Variants in SLC2A12 observed in about 807,000 individuals in gnomAD.
SLC2A12 encodes solute carrier family 2 member 12.
In SLC2A12, 23 loss-of-function variants were observed where a neutral mutation model predicts 41.8. The ratio of observed to expected loss-of-function variants is 0.55; its 90% CI spans 0.40 to 0.78. The LOEUF (loss-of-function observed/expected upper bound fraction) is 0.78, where lower values mean the gene tolerates loss of function less well. SLC2A12 is among the 30% of genes least tolerant of loss of function. SLC2A12 has a pLI of 0.00. For synonymous variants in SLC2A12, 295 were observed against 285.9 expected, an observed-to-expected ratio of 1.03 and a Z score of -0.32; for missense variants, 654 against 745.6, an observed-to-expected ratio of 0.88 and a Z score of 1.43.
intron 1 of SLC2A12, among the ~76,000 whole-genome samples, chr6:134,037,885 G>T (rs971398166): frequency 2.6e-5 from 4 of 152,136 alleles, no homozygotes; most frequent in African/African-American, 9.7e-5. Flanking sequence ...ATGTCCCAGG[G>T]AGAGTTCTGG....
intron 1 of SLC2A12, among the ~76,000 whole-genome samples, chr6:134,037,920 G>A (rs924737554): frequency 2.6e-5 from 4 of 152,118 alleles, no homozygotes; most frequent in African/African-American, 9.7e-5. Flanking sequence ...CCCACCAAAT[G>A]TCCAACATGC....
At chr6:134,025,352 A>G (rs1404689469) in intron 2 of SLC2A12, among the ~76,000 whole-genome samples, 2 of 152,238 alleles carry the variant, frequency 1.3e-5, no homozygotes, top group African/African-American at 4.8e-5. Flanking sequence ...CATTTGTAAA[A>G]TGCAGTGAAT....
chr6:134,049,054 T>C (rs1340222882), intron 1 of SLC2A12, among the ~76,000 whole-genome samples: 1 of 152,202 alleles, frequency 6.6e-6, no homozygotes, highest in Non-Finnish European at 1.5e-5. Flanking sequence ...ACATCTTACA[T>C]ACTCACCACC....
At chr6:134,002,234 C>T (rs996999767) in intron 3 of SLC2A12, 105 bp from the exon 4 acceptor site, 11 of 1,235,348 alleles carry the variant, frequency 8.9e-6, no homozygotes, top group African/African-American at 3.2e-5. Context: ...TATTTTCAAA[C>T]ATGCCAGCAG....
At chr6:134,040,164 C>T (rs1777363877) in intron 1 of SLC2A12, among the ~76,000 whole-genome samples, 1 of 151,752 alleles carries the variant, frequency 6.6e-6, no homozygotes, top group South Asian at 2.1e-4. Flanking sequence ...GCAACCTCCA[C>T]ACCTCCCAGG....
At chr6:134,016,434 C>T (rs534148065) in intron 2 of SLC2A12, among the ~76,000 whole-genome samples, 1 of 152,120 alleles carries the variant, frequency 6.6e-6, no homozygotes, top group East Asian at 1.9e-4. Flanking sequence ...ATCTGGCCCC[C>T]TTCATGTTGA....
chr6:134,032,802 A>G (rs1777239280), intron 1 of SLC2A12, among the ~76,000 whole-genome samples: 1 of 132,438 alleles, frequency 7.6e-6, no homozygotes, highest in Admixed American at 8.1e-5. Context: ...TTATATATAT[A>G]TAATTTATAT....
chr6:134,014,892 T>C (rs943120038), intron 2 of SLC2A12, among the ~76,000 whole-genome samples: 1 of 152,268 alleles, frequency 6.6e-6, no homozygotes, highest in African/African-American at 2.4e-5. Flanking sequence ...TTTTAAACTC[T>C]AGTTCTATTA....
At chr6:134,023,522 GA>G (rs1341763442) in intron 2 of SLC2A12, among the ~76,000 whole-genome samples, 1 of 152,102 alleles carries the variant, frequency 6.6e-6, no homozygotes, top group Non-Finnish European at 1.5e-5. Flanking sequence ...TACTCATTGG[GA>G]AAAAAGGAGC....
chr6:134,029,138 T>G lies in SLC2A12; in HGVS notation c.687A>C (p.Gln229His), dbSNP rs1934356370. 1 of 1,614,146 alleles carries G rather than the reference T, an allele frequency of 6.2e-7. No homozygotes were observed. Among genetic ancestry groups the G allele is most frequent in the African/African-American group, 1.3e-5 (1 of 75,062 alleles). Residue 229 changes from glutamine to histidine, a missense_variant, in exon 2 of 5, where the codon CAA becomes CAC. Transcript: ENST00000275230. The part of the protein sequence containing the change: ...PSPRFLVMKG[Q>H]EGAASKVLGR... ...CAAGAACCTTGCTAGCAGCTCCCTC[T>G]TGTCCTTTCATCACCAGAAACCGAG...
Position 134,006,196 on chromosome 6 carries a change from A to AC in SLC2A12, c.1567+615_1567+616insG, listed in dbSNP as rs1236666441. 3.3e-4 allele frequency among the ~76,000 whole-genome samples: 49 copies of AC among 150,666 alleles called. 1 individual carries two copies. Among genetic ancestry groups the AC allele is most frequent in the African/African-American group, 1.2e-3 (49 of 40,848 alleles). ...TATCGGAAAAAAAAAAAAAAAACAA[A>AC]AAAAAAAACAGAGAAACAGAGAGGG... On this transcript the variant is annotated intron_variant, in intron 3 of 4. Transcript: ENST00000275230.
intron 1 of SLC2A12, among the ~76,000 whole-genome samples, chr6:134,038,672 T>TTCCTTTTA (rs1777338738): frequency 6.7e-6 from 1 of 149,492 alleles, no homozygotes; most frequent in Non-Finnish European, 1.5e-5. Flanking sequence ...CTTTCTGCTC[T>TTCCTTTTA]TCCTTTTATC....
At chr6:133,998,309 G>A (rs229905) in intron 4 of SLC2A12, among the ~76,000 whole-genome samples, 119,465 of 152,140 alleles carry the variant, frequency 0.79, 47,324 homozygotes, top group East Asian at 0.91. Context: ...TTGAATTTTC[G>A]TTTGGTTTGC....
intron 1 of SLC2A12, among the ~76,000 whole-genome samples, chr6:134,031,006 C>A (rs1300426468): frequency 6.6e-6 from 1 of 152,138 alleles, no homozygotes; most frequent in Non-Finnish European, 1.5e-5. Context: ...TTGGTTTGGA[C>A]AAGAGATAAT....
Position 133,993,782 on chromosome 6 carries a change from A to G in SLC2A12, c.1701-2474T>C, listed in dbSNP as rs1776651859. 2.0e-5 allele frequency among the ~76,000 whole-genome samples: 3 copies of G among 152,302 alleles called. No individual in the cohort carries two copies. The South Asian group carries it at 6.2e-4, about 32-fold the overall frequency. ...TGGATATCTAGGATAAGAGAATTCG[A>G]GGCAGAGAAAACAAGTGCCACGATC... On this transcript the variant is annotated intron_variant, in intron 4 of 4. Coordinates refer to ENST00000275230, the MANE Select transcript of SLC2A12 (RefSeq NM_145176.3).
intron 4 of SLC2A12, among the ~76,000 whole-genome samples, chr6:133,995,484 G>A (rs947656585): frequency 2.6e-5 from 4 of 152,154 alleles, no homozygotes; most frequent in African/African-American, 9.7e-5. Flanking sequence ...GGCCATCAGT[G>A]AGGAATGAGG....
At chr6:133,994,869 G>A (rs953132106) in intron 4 of SLC2A12, among the ~76,000 whole-genome samples, 6 of 152,172 alleles carry the variant, frequency 3.9e-5, no homozygotes, top group East Asian at 1.9e-4. Context: ...AGATAACCAG[G>A]GGACGGGTCG....
intron 3 of SLC2A12, among the ~76,000 whole-genome samples, 154 bp downstream of exon 3, chr6:134,006,658 G>A (rs1313063952): frequency 1.3e-5 from 2 of 152,134 alleles, no homozygotes; most frequent in Non-Finnish European, 1.5e-5. Flanking sequence ...ATTCAAAACT[G>A]TAAATTGGGT....
chr6:134,052,427 T>C lies in SLC2A12; in HGVS notation c.54A>G (p.Thr18=), dbSNP rs770572791. Residue 18 remains threonine (T), a synonymous_variant, in exon 1 of 5, where the codon ACA becomes ACG. Transcript: ENST00000275230. Reference sequence around the variant, plus strand: ...TGCCGCTGCCCTCCGTCTCCACGGCTGTCCCCTTCTGGTTCAGCAGACTGG... The same window carrying C: ...TGCCGCTGCCCTCCGTCTCCACGGCCGTCCCCTTCTGGTTCAGCAGACTGG... ...EGPSLLNQKG[T]AVETEGSGSR... The C allele has an allele frequency of 3.1e-6, 5 of 1,613,646 alleles. No individual in the cohort carries two copies. The East Asian group carries it at 1.1e-4, about 36-fold the overall frequency.
Sources: gnomAD v4.1 joint callset for allele counts (sites outside exome capture counted in the v4.1 genomes callset) on GRCh38, gnomAD v4.1.1 for gene constraint, MANE v1.5 for transcripts, NCBI Gene and HGNC (gene_info 2026-07-23, HGNC 2026-07-21) for gene names.